The following GPHN variants were observed in gnomAD, a reference collection of about 807,000 sequenced individuals.
GPHN encodes gephyrin.
A neutral mutation model predicts 95.5 loss-of-function variants in GPHN; 17 were observed. The ratio of observed to expected loss-of-function variants is 0.18; its 90% confidence interval spans 0.12 to 0.27. The LOEUF (loss-of-function observed/expected upper bound fraction) is 0.27. Among genes scored for constraint, GPHN ranks in the 10% least tolerant of loss-of-function variants. GPHN has a pLI of 1.00. For missense variants in GPHN, 660 were observed against 978.1 expected (o/e 0.67, Z 4.34); for synonymous variants, 320 against 322.5 (o/e 0.99, Z 0.08).
the GPHN span, chr14:67,647,974 T>C: frequency 7.0e-7 from 1 of 1,422,064 alleles, no homozygotes; most frequent in African/African-American, 1.4e-5. Context: ...GTTGCAACCA[T>C]AAGAAGGATG....
At chr14:67,129,106 G>A (rs991793680) in intron 17 of GPHN, among the ~76,000 whole-genome samples, 1 of 151,062 alleles carries the variant, frequency 6.6e-6, no homozygotes, top group Non-Finnish European at 1.5e-5. Context: ...GAGCCATCGT[G>A]CCCAGCCACT....
At chr14:66,661,084 A>G (rs1300179552) in intron 1 of GPHN, among the ~76,000 whole-genome samples, 1 of 152,210 alleles carries the variant, frequency 6.6e-6, no homozygotes, top group African/African-American at 2.4e-5. Flanking sequence ...GGTGATTGCA[A>G]CTTAGGCAGG....
the GPHN span, among the ~76,000 whole-genome samples, chr14:67,439,830 T>G: frequency 2.0e-5 from 3 of 151,602 alleles, no homozygotes; most frequent in Admixed American, 2.0e-4. Flanking sequence ...CTCTTCTCTC[T>G]TTTCTTTTTT....
intron 1 of GPHN, among the ~76,000 whole-genome samples, chr14:66,524,067 C>T (rs2058588359): frequency 6.6e-6 from 1 of 152,024 alleles, no homozygotes; most frequent in South Asian, 2.1e-4. Flanking sequence ...TGGAAGACTG[C>T]CTCTGATAGT....
At chr14:67,093,559 T>C (rs72715359) in intron 12 of GPHN, among the ~76,000 whole-genome samples, 10,099 of 152,190 alleles carry the variant, frequency 0.066, 357 homozygotes, top group Middle Eastern at 0.085. Flanking sequence ...CTCATGTGAA[T>C]AGATAAATAA....
intron 12 of GPHN, among the ~76,000 whole-genome samples, chr14:67,093,459 C>G (rs1371134835): frequency 6.6e-6 from 1 of 152,052 alleles, no homozygotes; most frequent in Non-Finnish European, 1.5e-5. Context: ...TTCGCTACAA[C>G]TGGTTCTGCA....
At chr14:67,374,791 A>G in the GPHN span, 1 of 330,506 alleles carries the variant, frequency 3.0e-6, no homozygotes. Flanking sequence ...TTAAATAGAA[A>G]TGAGGTCTTT....
At chr14:67,319,625 A>G in the GPHN span, among the ~76,000 whole-genome samples, 17 of 152,130 alleles carry the variant, frequency 1.1e-4, no homozygotes, top group Non-Finnish European at 1.9e-4. Flanking sequence ...AAAAAAAAAA[A>G]AAAATTGCAA....
intron 1 of GPHN, among the ~76,000 whole-genome samples, chr14:66,673,642 G>A (rs117113101): frequency 0.012 from 1,898 of 152,090 alleles, 19 homozygotes; most frequent in Non-Finnish European, 0.019. Context: ...AGATAAATCA[G>A]GAAAAAGAAA....
intron 2 of GPHN, among the ~76,000 whole-genome samples, chr14:66,753,564 T>C (rs2058450269): frequency 1.3e-5 from 2 of 152,002 alleles, no homozygotes; most frequent in African/African-American, 4.8e-5. Flanking sequence ...CACACATCAA[T>C]TGATGTGAAA....
chr14:67,196,693 T>G, the GPHN span: 1 of 152,260 alleles, frequency 6.6e-6, no homozygotes, highest in Non-Finnish European at 1.5e-5. Context: ...TTCCACTGTT[T>G]GGCAGTTTCA....
intron 9 of GPHN, chr14:66,985,575 G>T: frequency 1.4e-6 from 1 of 692,740 alleles, no homozygotes; most frequent in South Asian, 1.7e-5. Flanking sequence ...AGCTACCACA[G>T]AGAGTCAATT....
chr14:67,692,967 C>T, the GPHN span: 4 of 1,613,866 alleles, frequency 2.5e-6, no homozygotes, highest in African/African-American at 4.0e-5. Flanking sequence ...GTCTCCTTCC[C>T]GATACCTGTA....
the GPHN span, among the ~76,000 whole-genome samples, chr14:67,477,282 T>C: frequency 2.0e-5 from 3 of 152,244 alleles, no homozygotes; most frequent in Non-Finnish European, 2.9e-5. Context: ...CTTCAGCCTT[T>C]TCCTCACAAT....
chr14:66,829,003 G>A, intron 4 of GPHN, among the ~76,000 whole-genome samples: 2 of 150,310 alleles, frequency 1.3e-5, no homozygotes, highest in Non-Finnish European at 2.9e-5. Flanking sequence ...ACATATGAAA[G>A]CATGATAATT....
At chr14:67,631,079 TCTCTC>T in the GPHN span, among the ~76,000 whole-genome samples, 2 of 152,106 alleles carry the variant, frequency 1.3e-5, no homozygotes, top group African/African-American at 4.8e-5. Context: ...TCATGGCTCT[TCTCTC>T]CTAACCTGTC....
At chr14:67,388,299 C>A in the GPHN span, 1 of 1,609,070 alleles carries the variant, frequency 6.2e-7, no homozygotes, top group Admixed American at 1.7e-5. Flanking sequence ...GGCCTGTTCT[C>A]TTCCTGTAGA....
chr14:67,593,880 T>G, the GPHN span: 3 of 1,613,412 alleles, frequency 1.9e-6, no homozygotes, highest in Non-Finnish European at 1.7e-6. Flanking sequence ...TCCTGATCAA[T>G]CTTCACAAAA....
chr14:67,091,834 G>T (rs1018276789), intron 12 of GPHN, among the ~76,000 whole-genome samples: 3 of 149,694 alleles, frequency 2.0e-5, no homozygotes, highest in Non-Finnish European at 4.5e-5. Context: ...TTGTTTGAGA[G>T]GTTTTTTTTT....
Sources: allele counts gnomAD v4.1 joint callset (sites outside exome capture counted in the v4.1 genomes callset), GRCh38; gene constraint gnomAD v4.1.1; transcripts MANE v1.5; gene names NCBI Gene and HGNC (gene_info 2026-07-23, HGNC 2026-07-21).